Variants in ELP3 observed in about 807,000 individuals in gnomAD.
ELP3 encodes elongator complex protein 3.
Under a neutral mutation model 74.9 loss-of-function variants are expected in ELP3, and 56 were observed. The observed-to-expected ratio is 0.75, with a 90% CI of 0.60 to 0.93. The LOEUF (loss-of-function observed/expected upper bound fraction) is 0.93, where lower values mean the gene tolerates loss of function less well. Among genes scored for constraint, ELP3 ranks in the 40% least tolerant of loss-of-function variants. The pLI, the probability that ELP3 is intolerant of heterozygous loss-of-function variation, is 0.00. For synonymous variants in ELP3, 222 were observed against 239.8 expected (o/e 0.93, Z 0.68); for missense variants, 573 against 686.5 (o/e 0.83, Z 1.85).
At chr8:28,146,413 G>A (rs1813434308) in intron 10 of ELP3, among the ~76,000 whole-genome samples, 1 of 152,196 alleles carries the variant, frequency 6.6e-6, no homozygotes, top group African/African-American at 2.4e-5. Flanking sequence ...GACATCACTT[G>A]AAAGGTTTCT....
intron 3 of ELP3, among the ~76,000 whole-genome samples, chr8:28,102,998 T>A (rs1323171424): frequency 2.6e-5 from 4 of 152,030 alleles, no homozygotes; most frequent in African/African-American, 9.7e-5. Context: ...GGTGAAACCC[T>A]GTCTCTACTA....
chr8:28,185,020 T>C lies in ELP3; in HGVS notation c.1568-4629T>C, dbSNP rs147127368. On this transcript the variant is annotated intron_variant, in intron 14 of 14. Coordinates refer to ENST00000256398, the MANE Select transcript of ELP3 (RefSeq NM_018091.6). ...CTGGGTGAATTGTCCCTGCTAAAGC[T>C]GAGTGATGGGTGCAGGGAGGTTCAG... is the stretch of plus-strand genomic sequence containing the variant. 2.0e-5 allele frequency among the ~76,000 whole-genome samples: 3 copies of C among 152,096 alleles called. No homozygotes were observed. The East Asian group carries it at 5.8e-4, about 29-fold the overall frequency.
chr8:28,129,771 A>T, intron 8 of ELP3, 108 bp downstream of exon 8: 1 of 1,258,466 alleles, frequency 7.9e-7, no homozygotes, highest in East Asian at 2.3e-5. Context: ...GGAAAGAAGT[A>T]TGGGTATTCC....
chr8:28,171,481 TTTGGGTCTGTTGCCCATTTCTTAAC>T (rs1814523773), intron 14 of ELP3, among the ~76,000 whole-genome samples: 1 of 152,206 alleles, frequency 6.6e-6, no homozygotes, highest in African/African-American at 2.4e-5. Flanking sequence ...GAGATGTCTA[TTTGGGTCTGTTGCCCATTTCTTAAC>T]TGGATTGTTT....
chr8:28,110,164 GTGT>G (rs1811856687), intron 5 of ELP3, among the ~76,000 whole-genome samples: 2 of 152,172 alleles, frequency 1.3e-5, no homozygotes, highest in South Asian at 4.1e-4. Flanking sequence ...TGCTGTTGAG[GTGT>G]TTATGACAGC....
At chr8:28,143,053 A>G (rs953204666) in intron 10 of ELP3, among the ~76,000 whole-genome samples, 2 of 151,802 alleles carry the variant, frequency 1.3e-5, no homozygotes, top group African/African-American at 4.8e-5. Context: ...CTTCCTTTTT[A>G]CTCATTTCTT....
intron 1 of ELP3, 126 bp from the exon 2 acceptor site, chr8:28,097,093 T>C (rs758719237): frequency 4.3e-5 from 26 of 605,878 alleles, no homozygotes; most frequent in Non-Finnish European, 7.0e-5. Context: ...ATTTAGCATC[T>C]TCTGAACTTG....
chr8:28,134,071 A>G (rs1333419245), intron 9 of ELP3, among the ~76,000 whole-genome samples: 2 of 152,160 alleles, frequency 1.3e-5, no homozygotes, highest in Non-Finnish European at 2.9e-5. Context: ...TGTCATTTAC[A>G]TTAGGTATTT....
intron 10 of ELP3, among the ~76,000 whole-genome samples, chr8:28,140,788 G>A (rs1813206787): frequency 6.6e-6 from 1 of 152,160 alleles, no homozygotes; most frequent in South Asian, 2.1e-4. Flanking sequence ...CTGAGTGCAG[G>A]AAGGCTGTGA....
At chr8:28,164,582 C>T (rs1814234682) in intron 14 of ELP3, among the ~76,000 whole-genome samples, 1 of 152,034 alleles carries the variant, frequency 6.6e-6, no homozygotes, top group South Asian at 2.1e-4. Flanking sequence ...GCCTGGAAGC[C>T]CCACCATTGC....
chr8:28,188,193 G>A (rs905664832), intron 14 of ELP3, among the ~76,000 whole-genome samples: 1 of 152,210 alleles, frequency 6.6e-6, no homozygotes, highest in Non-Finnish European at 1.5e-5. Flanking sequence ...GGCTGTTTGA[G>A]GAATGCGTCC....
At chr8:28,131,458 C>T (rs764256689) in intron 8 of ELP3, among the ~76,000 whole-genome samples, 3 of 152,092 alleles carry the variant, frequency 2.0e-5, no homozygotes, top group Non-Finnish European at 4.4e-5. Flanking sequence ...CTGGCCTTGT[C>T]CTAGGAATTG....
intron 14 of ELP3, among the ~76,000 whole-genome samples, chr8:28,183,736 C>T (rs985156050): frequency 1.3e-5 from 2 of 152,230 alleles, no homozygotes; most frequent in Non-Finnish European, 2.9e-5. Flanking sequence ...TCCTGCCGTT[C>T]TTAATGCTGG....
chr8:28,155,233 G>C (rs1348520122), intron 10 of ELP3, among the ~76,000 whole-genome samples: 1 of 152,204 alleles, frequency 6.6e-6, no homozygotes, highest in Non-Finnish European at 1.5e-5. Flanking sequence ...TTTTACTTCA[G>C]ATTTTGTTAA....
At chr8:28,174,012 A>C (rs1814639759) in intron 14 of ELP3, among the ~76,000 whole-genome samples, 1 of 152,042 alleles carries the variant, frequency 6.6e-6, no homozygotes, top group Non-Finnish European at 1.5e-5. Flanking sequence ...TCCTGACCTG[A>C]CATATGATCT....
In ELP3 at chr8:28,166,330, A is replaced by G. The variant is rs1244237923; in HGVS notation, c.1567+4252A>G. On this transcript the variant is annotated intron_variant, in intron 14 of 14. Coordinates refer to ENST00000256398, the MANE Select transcript of ELP3 (RefSeq NM_018091.6). ...ATTAATTACTTCACAGTAAGAAAAT[A>G]TTATTTTTTTACATATAAAAATGGA... Among the ~76,000 whole-genome samples the G allele has an allele frequency of 2.6e-5, 4 of 152,342 alleles. No homozygotes were observed. The East Asian group carries it at 7.7e-4, about 29-fold the overall frequency.
intron 7 of ELP3, among the ~76,000 whole-genome samples, chr8:28,123,625 T>G (rs1011862849): frequency 6.6e-6 from 1 of 152,232 alleles, no homozygotes; most frequent in Non-Finnish European, 1.5e-5. Context: ...CAAGTATGAT[T>G]GAGGAACTCT....
chr8:28,170,272 C>T (rs551383148), intron 14 of ELP3, among the ~76,000 whole-genome samples: 21 of 152,328 alleles, frequency 1.4e-4, no homozygotes, highest in African/African-American at 5.1e-4. Context: ...GAATACTTCT[C>T]CATTGCTTTG....
At position 28,160,238 on chromosome 8, in the gene ELP3, G is replaced by A. The variant is rs757887813; in HGVS notation, c.1267G>A (p.Val423Ile). The A allele has an allele frequency of 6.2e-7, 1 of 1,613,910 alleles. No individual in the cohort carries two copies. The change falls in exon 13 of 15, where the codon GTA (valine) becomes ATA (isoleucine). Residue 423 changes from valine to isoleucine, a missense_variant. Coordinates refer to ENST00000256398, the MANE Select transcript of ELP3 (RefSeq NM_018091.6). Reference sequence around the variant, plus strand: ...GCTTTTTACTAAATAGGTTGAATTGGTAAGGAGAGATTATGTTGCAAATGG... The same window carrying A: ...GCTTTTTACTAAATAGGTTGAATTGATAAGGAGAGATTATGTTGCAAATGG... ...HKVRPYQVEL[V>I]RRDYVANGGW...
Sources: allele counts gnomAD v4.1 joint callset (sites outside exome capture counted in the v4.1 genomes callset), GRCh38; gene constraint gnomAD v4.1.1; transcripts MANE v1.5; gene names NCBI Gene and HGNC (gene_info 2026-07-23, HGNC 2026-07-21).